The following CFAP61 variants were observed in gnomAD, a reference collection of about 807,000 sequenced individuals.
The protein encoded by CFAP61 is cilia- and flagella-associated protein 61.
CFAP61 carries 107 observed loss-of-function variants against 135.6 expected under a neutral mutation model. The observed-to-expected ratio is 0.79, with a 90% confidence interval of 0.67 to 0.93. The LOEUF (loss-of-function observed/expected upper bound fraction) is 0.93, where lower values mean the gene tolerates loss of function less well. CFAP61 is among the 40% of genes least tolerant of loss of function. The pLI is 0.00. For synonymous variants in CFAP61, 575 were observed against 578.5 expected, an observed-to-expected ratio of 0.99 and a Z score of 0.09; for missense variants, 1,507 against 1,556.2, an observed-to-expected ratio of 0.97 and a Z score of 0.53.
intron 21 of CFAP61, among the ~76,000 whole-genome samples, chr20:20,274,476 C>T (rs13038318): frequency 0.1 from 15,350 of 152,126 alleles, 929 homozygotes; most frequent in Middle Eastern, 0.22. Context: ...GCTTGGTGAA[C>T]ATGTCAAAAC....
chr20:20,317,272 G>T (rs6106230), intron 25 of CFAP61, among the ~76,000 whole-genome samples: 1,632 of 152,190 alleles, frequency 0.011, 31 homozygotes, highest in African/African-American at 0.038. Flanking sequence ...ACTAAAGGAG[G>T]TGCTGTACAG....
intron 8 of CFAP61, among the ~76,000 whole-genome samples, chr20:20,130,358 C>T (rs904960304): frequency 2.0e-5 from 3 of 151,696 alleles, no homozygotes; most frequent in Non-Finnish European, 4.4e-5. Flanking sequence ...ATAGAGCTCA[C>T]ATATTGCCGT....
intron 8 of CFAP61, among the ~76,000 whole-genome samples, chr20:20,142,366 GT>G (rs1313921291): frequency 6.6e-6 from 1 of 152,212 alleles, no homozygotes; most frequent in Non-Finnish European, 1.5e-5. Flanking sequence ...AGCAGCCCTT[GT>G]GCTAAGCCTT....
chr20:20,234,814 G>A (rs1192919068), intron 18 of CFAP61, among the ~76,000 whole-genome samples: 5 of 152,022 alleles, frequency 3.3e-5, no homozygotes, highest in Admixed American at 6.6e-5. Context: ...AGTGGAGAGG[G>A]CCCAGGAGAG....
chr20:20,172,210 A>G (rs1001144429), intron 13 of CFAP61: 1 of 965,588 alleles, frequency 1.0e-6, no homozygotes, highest in Non-Finnish European at 1.2e-6. Flanking sequence ...ACAGGATTTC[A>G]GTAACCTTAT....
chr20:20,185,865 T>C (rs2055459865), intron 13 of CFAP61, among the ~76,000 whole-genome samples: 1 of 152,198 alleles, frequency 6.6e-6, no homozygotes, highest in African/African-American at 2.4e-5. Flanking sequence ...ACTTTTATTA[T>C]CAAATAAAGA....
chr20:20,172,557 C>G (rs545836251), intron 13 of CFAP61, among the ~76,000 whole-genome samples: 2 of 152,258 alleles, frequency 1.3e-5, no homozygotes, highest in East Asian at 1.9e-4. Flanking sequence ...TGGGCTCAAG[C>G]AGTTCACCCA....
Position 20,056,616 on chromosome 20 carries a change from A to G in CFAP61, c.-36-2A>G, listed in dbSNP as rs1600309494. On this transcript the variant is annotated splice_acceptor_variant, in intron 1 of 26. Coordinates refer to ENST00000245957, the MANE Select transcript of CFAP61 (RefSeq NM_015585.4). LOFTEE classifies it low-confidence loss of function (5UTR_SPLICE). The stretch of plus-strand genomic sequence containing the variant: ...AACTGGCTTATCATATCAGATTAAT[A>G]GTGGACTTTTTTCTCTCTTTTGGGG... 2 of 1,605,888 alleles carry G rather than the reference A, an allele frequency of 1.2e-6. No individual in the cohort carries two copies. The highest frequency in any genetic ancestry group is 2.2e-5 in the East Asian group (1 of 44,822).
intron 8 of CFAP61, chr20:20,107,667 C>A (rs1257203778): frequency 6.6e-6 from 1 of 152,070 alleles, no homozygotes; most frequent in Non-Finnish European, 1.5e-5. Flanking sequence ...CATTTTGTTG[C>A]CCAGGCTGGG....
chr20:20,163,652 G>A (rs1169083911), intron 10 of CFAP61, among the ~76,000 whole-genome samples: 2 of 150,916 alleles, frequency 1.3e-5, no homozygotes, highest in Admixed American at 6.6e-5. Flanking sequence ...TGTGCAGAAC[G>A]TGCAGGTTTG....
chr20:20,123,844 T>C (rs1416307672), intron 8 of CFAP61, among the ~76,000 whole-genome samples: 1 of 151,796 alleles, frequency 6.6e-6, no homozygotes, highest in Non-Finnish European at 1.5e-5. Context: ...TTCACAAATA[T>C]TGATTCTACC....
At chr20:20,209,166 C>T (rs879301110) in intron 17 of CFAP61, among the ~76,000 whole-genome samples, 46 of 152,268 alleles carry the variant, frequency 3.0e-4, no homozygotes, top group Admixed American at 7.2e-4. Flanking sequence ...TGCTAAGTCA[C>T]GGTTTGGGGA....
At chr20:20,072,447 G>A (rs1019980162) in intron 3 of CFAP61, among the ~76,000 whole-genome samples, 2 of 151,928 alleles carry the variant, frequency 1.3e-5, no homozygotes, top group African/African-American at 4.8e-5. Context: ...CCTTTTCCTA[G>A]TAAATCACCT....
chr20:20,338,741 C>T (rs534252878), intron 25 of CFAP61, among the ~76,000 whole-genome samples: 2 of 152,334 alleles, frequency 1.3e-5, no homozygotes, highest in East Asian at 3.9e-4. Context: ...CAGCCTTCAG[C>T]GTGTCTAATG....
At chr20:20,244,418 C>T (rs1219921816) in intron 18 of CFAP61, among the ~76,000 whole-genome samples, 2 of 152,222 alleles carry the variant, frequency 1.3e-5, no homozygotes, top group South Asian at 2.1e-4. Flanking sequence ...TGTGTACTCA[C>T]AGGTTCAACA....
intron 26 of CFAP61, among the ~76,000 whole-genome samples, chr20:20,353,818 T>C (rs899206018): frequency 6.6e-6 from 1 of 152,224 alleles, no homozygotes; most frequent in Non-Finnish European, 1.5e-5. Flanking sequence ...ATGGCTGTTA[T>C]AGATAAAAGG....
intron 22 of CFAP61, among the ~76,000 whole-genome samples, chr20:20,278,726 G>A (rs1229850121): frequency 6.6e-6 from 1 of 152,114 alleles, no homozygotes; most frequent in African/African-American, 2.4e-5. Context: ...GAACTCAAAG[G>A]ACAGGGGCTC....
intron 18 of CFAP61, among the ~76,000 whole-genome samples, chr20:20,239,387 A>C (rs1278203249): frequency 6.6e-6 from 1 of 152,182 alleles, no homozygotes; most frequent in African/African-American, 2.4e-5. Context: ...AGGGCAGGGA[A>C]CCTTCTCTGA....
At chr20:20,253,364 G>T in intron 20 of CFAP61, 1 of 198,568 alleles carries the variant, frequency 5.0e-6, no homozygotes, top group Non-Finnish European at 1.0e-5. Flanking sequence ...TTTCTTCTGC[G>T]CAGCCTCTTC....
Sources: allele counts gnomAD v4.1 joint callset (sites outside exome capture counted in the v4.1 genomes callset), GRCh38; gene constraint gnomAD v4.1.1; transcripts MANE v1.5; gene names NCBI Gene and HGNC (gene_info 2026-07-23, HGNC 2026-07-21).